The following MPP7 variants were observed in gnomAD, a reference collection of about 807,000 sequenced individuals.
MPP7 encodes the protein MAGUK p55 scaffold protein 7.
In MPP7, 60 loss-of-function variants were observed where a neutral mutation model predicts 76.5. That is an observed-to-expected ratio of 0.78 (90% CI 0.64 to 0.97). The LOEUF is 0.97. MPP7 is among the 50% of genes least tolerant of loss of function. The pLI is 0.00. For synonymous variants in MPP7, 237 were observed against 244.5 expected, an observed-to-expected ratio of 0.97 and a Z score of 0.29; for missense variants, 641 against 694.0, an observed-to-expected ratio of 0.92 and a Z score of 0.86.
intron 3 of MPP7, among the ~76,000 whole-genome samples, chr10:28,151,272 AT>A (rs1347847637): frequency 6.6e-6 from 1 of 152,190 alleles, no homozygotes; most frequent in Non-Finnish European, 1.5e-5. Flanking sequence ...TCAGAGCCAC[AT>A]TTTTACTTAA....
At chr10:28,110,327 T>C (rs1186985898) in intron 11 of MPP7, among the ~76,000 whole-genome samples, 1 of 152,170 alleles carries the variant, frequency 6.6e-6, no homozygotes, top group Non-Finnish European at 1.5e-5. Context: ...TGACCTCAGG[T>C]GATCCGCCCA....
Position 28,303,039 on chromosome 10 carries a change from C to G in MPP7, c.-310G>C, listed in dbSNP as rs904705950. 1.3e-5 allele frequency among the ~76,000 whole-genome samples: 2 copies of G among 150,128 alleles called. No homozygotes were observed. The highest frequency in any genetic ancestry group is 3.0e-5 in the Non-Finnish European group (2 of 66,886). Reference sequence around the variant, plus strand: ...ACGAGCCCAGTGGGAGCCCGGCCCCCGCCTCCAGCCCGGCTAGTAACCAAC... The same window carrying G: ...ACGAGCCCAGTGGGAGCCCGGCCCCGGCCTCCAGCCCGGCTAGTAACCAAC... On this transcript the variant is annotated 5_prime_UTR_variant, in exon 1 of 17. Transcript: ENST00000683449.
At chr10:28,172,939 C>A (rs1416668148) in intron 3 of MPP7, among the ~76,000 whole-genome samples, 2 of 152,138 alleles carry the variant, frequency 1.3e-5, no homozygotes, top group African/African-American at 2.4e-5. Context: ...CCGGACTGTT[C>A]CAGGTGCTTC....
At chr10:28,083,463 T>C (rs1423633641) in intron 12 of MPP7, among the ~76,000 whole-genome samples, 1 of 152,000 alleles carries the variant, frequency 6.6e-6, no homozygotes, top group Admixed American at 6.6e-5. Context: ...AGTTTCTAGA[T>C]CTTTTCTTTA....
rs949117214 is a variant in MPP7 at position 28,171,636 on chromosome 10, A to G, written c.157-21577T>C. Among the ~76,000 whole-genome samples, 46 of 152,190 alleles carry G rather than the reference A, an allele frequency of 3.0e-4. 1 individual carries two copies. Among genetic ancestry groups the G allele is most frequent in the South Asian group, 1.7e-3 (8 of 4,826 alleles). On this transcript the variant is annotated intron_variant, in intron 3 of 16. Transcript: ENST00000683449. ...ATGTTGATAAAAGTTTATGCTTGCA[A>G]CCAAACTTTTTAAGTGTACCGTATT...
At chr10:28,206,194 T>C (rs1176385589) in intron 2 of MPP7, among the ~76,000 whole-genome samples, 2 of 152,336 alleles carry the variant, frequency 1.3e-5, no homozygotes, top group East Asian at 1.9e-4. Context: ...AGTTCTCATA[T>C]TCAGGGTACT....
At chr10:28,107,895 T>C (rs1834373808) in intron 11 of MPP7, among the ~76,000 whole-genome samples, 1 of 152,214 alleles carries the variant, frequency 6.6e-6, no homozygotes. Context: ...TGTTAATGGA[T>C]GTACCGGGTA....
At chr10:28,143,035 G>A (rs1179977279) in intron 5 of MPP7, among the ~76,000 whole-genome samples, 2 of 151,982 alleles carry the variant, frequency 1.3e-5, no homozygotes, top group Non-Finnish European at 2.9e-5. Context: ...ACAAAGGTTC[G>A]TCTGTAAGTT....
intron 2 of MPP7, among the ~76,000 whole-genome samples, chr10:28,329,042 G>T (rs1456996774): frequency 2.6e-5 from 4 of 152,058 alleles, no homozygotes; most frequent in Non-Finnish European, 5.9e-5. Context: ...AATTGCCCTG[G>T]CTACTTCTTG....
At chr10:28,287,126 G>A (rs1013980099) in intron 1 of MPP7, among the ~76,000 whole-genome samples, 12 of 151,860 alleles carry the variant, frequency 7.9e-5, no homozygotes, top group Admixed American at 5.3e-4. Context: ...TTTCTCAAAC[G>A]CAAAATTAGC....
upstream of MPP7, among the ~76,000 whole-genome samples, chr10:28,304,284 A>G (rs374583070): frequency 6.6e-6 from 1 of 152,138 alleles, no homozygotes; most frequent in African/African-American, 2.4e-5. Context: ...CTGCCTTAAC[A>G]TTCTGTTTGT....
intron 12 of MPP7, among the ~76,000 whole-genome samples, chr10:28,083,106 T>C (rs994924941): frequency 6.6e-6 from 1 of 152,132 alleles, no homozygotes; most frequent in African/African-American, 2.4e-5. Context: ...AAGGCAGCCA[T>C]CTTGTCCCAG....
intron 1 of MPP7, among the ~76,000 whole-genome samples, chr10:28,332,989 T>A (rs1173163058): frequency 6.6e-6 from 1 of 151,920 alleles, no homozygotes; most frequent in South Asian, 2.1e-4. Flanking sequence ...GAGGAAACCA[T>A]GTCAAGTGTC....
chr10:28,282,594 G>A (rs1013434442), intron 1 of MPP7, among the ~76,000 whole-genome samples: 9 of 151,946 alleles, frequency 5.9e-5, no homozygotes, highest in South Asian at 4.1e-4. Flanking sequence ...CAATTGGGGC[G>A]GTGGGGGTGA....
intron 1 of MPP7, among the ~76,000 whole-genome samples, chr10:28,257,527 T>C (rs113545437): frequency 3.7e-5 from 5 of 136,844 alleles, no homozygotes; most frequent in Middle Eastern, 8.8e-3. Flanking sequence ...TTCTCACTCA[T>C]AGGTGGGAAT....
chr10:28,248,907 G>T (rs1024632521), intron 1 of MPP7, among the ~76,000 whole-genome samples: 1 of 152,028 alleles, frequency 6.6e-6, no homozygotes, highest in Non-Finnish European at 1.5e-5. Flanking sequence ...GGACCAAGTC[G>T]CCTAACAACA....
chr10:28,140,467 C>T (rs1277412860), intron 5 of MPP7, among the ~76,000 whole-genome samples: 6 of 151,606 alleles, frequency 4.0e-5, no homozygotes, highest in Middle Eastern at 3.2e-3. Context: ...GCTGAGATCG[C>T]GCCACTGTAC....
intron 2 of MPP7, among the ~76,000 whole-genome samples, chr10:28,325,211 T>C (rs150446735): frequency 1.2e-4 from 19 of 152,310 alleles, no homozygotes; most frequent in African/African-American, 4.6e-4. Flanking sequence ...TCTTAACCAC[T>C]ATACAGTATG....
At chr10:28,186,423 C>T (rs1010979620) in intron 3 of MPP7, among the ~76,000 whole-genome samples, 1 of 151,540 alleles carries the variant, frequency 6.6e-6, no homozygotes, top group Non-Finnish European at 1.5e-5. Flanking sequence ...CAGTTCTATA[C>T]TTTAAAAATA....
Sources: allele counts gnomAD v4.1 joint callset (sites outside exome capture counted in the v4.1 genomes callset), GRCh38; gene constraint gnomAD v4.1.1; transcripts MANE v1.5; gene names NCBI Gene and HGNC (gene_info 2026-07-23, HGNC 2026-07-21).